Variants in CPEB4 observed in about 807,000 individuals in gnomAD.
The protein encoded by CPEB4 is cytoplasmic polyadenylation element-binding protein 4.
CPEB4 carries 12 observed loss-of-function variants against 72.5 expected under a neutral mutation model. The observed-to-expected ratio is 0.17, with a 90% CI of 0.11 to 0.27. The LOEUF is 0.27. Ranked by LOEUF, CPEB4 falls within the 10% of genes least tolerant of loss-of-function variation. CPEB4 has a pLI of 1.00. For missense variants in CPEB4, 614 were observed against 908.5 expected, an observed-to-expected ratio of 0.68 and a Z score of 4.17; for synonymous variants, 302 against 326.3, an observed-to-expected ratio of 0.93 and a Z score of 0.80.
rs931495176 is a variant in CPEB4 at position 173,961,383 on chromosome 5, T to G, written c.*5246T>G. 2 of 152,222 alleles carry G rather than the reference T, an allele frequency of 1.3e-5. No individual in the cohort carries two copies. Among genetic ancestry groups the G allele is most frequent in the African/African-American group, 4.8e-5 (2 of 41,462 alleles). The allele number at this position is 152,222 out of a possible 1,614,324, so 9.4% of individuals were successfully genotyped here. A position where few individuals can be genotyped will look rare whatever the true frequency, so the allele number is the denominator to read the frequency against. On this transcript the variant is annotated 3_prime_UTR_variant, in exon 10 of 10. Coordinates refer to ENST00000265085, the MANE Select transcript of CPEB4 (RefSeq NM_030627.4). ...TAGTTTATTTTAGGAAATGTTTATT[T>G]CAGGTAAGTGAGATATCAATGATAT...
At chr5:173,953,313 C>T (rs778146239) in intron 9 of CPEB4, 41 bp downstream of exon 9, 2 of 1,377,750 alleles carry the variant, frequency 1.5e-6, no homozygotes, top group Non-Finnish European at 9.7e-7. Context: ...TAGAAATGGT[C>T]CTCTAAATGT....
At chr5:173,904,532 G>A (rs995648915) in intron 1 of CPEB4, among the ~76,000 whole-genome samples, 13 of 152,146 alleles carry the variant, frequency 8.5e-5, no homozygotes, top group African/African-American at 2.9e-4. Flanking sequence ...GGTAATATTT[G>A]TATAAGTAAA....
At chr5:173,934,925 T>C (rs1757569437) in intron 3 of CPEB4, among the ~76,000 whole-genome samples, 1 of 152,250 alleles carries the variant, frequency 6.6e-6, no homozygotes, top group Non-Finnish European at 1.5e-5. Flanking sequence ...CTCATTCATG[T>C]ATTCATTCTT....
intron 3 of CPEB4, among the ~76,000 whole-genome samples, chr5:173,941,968 GAA>G (rs1354970682): frequency 6.6e-6 from 1 of 152,206 alleles, no homozygotes; most frequent in Non-Finnish European, 1.5e-5. Flanking sequence ...ACCTTTCCCT[GAA>G]TGCTACAGCA....
chr5:173,929,450 G>A (rs997724470), intron 2 of CPEB4, among the ~76,000 whole-genome samples: 4 of 152,180 alleles, frequency 2.6e-5, no homozygotes, highest in Admixed American at 6.5e-5. Context: ...TGTAAACCCG[G>A]CACTTGAAGA....
chr5:173,946,252 G>C (rs1003410102), intron 5 of CPEB4, among the ~76,000 whole-genome samples: 7 of 151,992 alleles, frequency 4.6e-5, no homozygotes, highest in East Asian at 3.9e-4. Context: ...GAAATTTCAG[G>C]GTTCTCTGAA....
At position 173,917,874 on chromosome 5, in the gene CPEB4, C is replaced by G. The variant is rs149669788; in HGVS notation, c.1207+7270C>G. On this transcript the variant is annotated intron_variant, in intron 2 of 9. Transcript: ENST00000265085. ...GAGGGATCTTTAAATATCATTAAGT[C>G]TTTAAGACTCAGAGTCGGCCGGCAG... 1.9e-3 allele frequency among the ~76,000 whole-genome samples: 284 copies of G among 152,332 alleles called. 1 individual carries two copies. The highest frequency in any genetic ancestry group is 6.2e-3 in the African/African-American group (259 of 41,574).
chr5:173,949,372 G>A, intron 5 of CPEB4, 136 bp from the exon 6 acceptor site: 1 of 600,614 alleles, frequency 1.7e-6, no homozygotes, highest in South Asian at 2.2e-5. Context: ...TTAACAGTTG[G>A]GGAATCTAGA....
rs757432351 is a variant in CPEB4 at position 173,890,210 on chromosome 5, A to T, written c.477A>T (p.Thr159=). The part of the protein sequence containing the change: ...TGLGTSTQPL[T]SSASSLTGFS... ...TAGGTACTTCAACCCAACCCTTGACATCTAGCGCATCGTCTCTTACTGGTT... is the reference window on the plus strand; with the variant it reads ...TAGGTACTTCAACCCAACCCTTGACTTCTAGCGCATCGTCTCTTACTGGTT... Residue 159 remains threonine, a synonymous_variant, in exon 1 of 10, where the codon ACA becomes ACT. Coordinates refer to ENST00000265085, the MANE Select transcript of CPEB4 (RefSeq NM_030627.4). 1 of 1,614,190 alleles carries T rather than the reference A, an allele frequency of 6.2e-7. No homozygotes were observed. Among genetic ancestry groups the T allele is most frequent in the Non-Finnish European group, 8.5e-7 (1 of 1,180,024 alleles).
Position 173,915,542 on chromosome 5 carries a change from C to A in CPEB4, c.1207+4938C>A, listed in dbSNP as rs143684656. Among the ~76,000 whole-genome samples, 436 of 152,272 alleles carry A rather than the reference C, an allele frequency of 2.9e-3. 4 individuals are homozygous for A. The highest frequency in any genetic ancestry group is 0.01 in the African/African-American group (425 of 41,542). ...GAAGCTCTTCCCCAGAGACCGAATTCATTTTCTTTGCTGCACACTCAGTCT... is the reference window on the plus strand; with the variant it reads ...GAAGCTCTTCCCCAGAGACCGAATTAATTTTCTTTGCTGCACACTCAGTCT... On this transcript the variant is annotated intron_variant, in intron 2 of 9. Transcript: ENST00000265085.
chr5:173,953,179 A>T lies in CPEB4; in HGVS notation c.1869A>T (p.Gly623=). ...ACCCTGAGCTAAAATACCCAAAAGG[A>T]GCTGGGAGAGTTGCGTTCTCTAATC... ...DTDPELKYPK[G]AGRVAFSNQQ... Residue 623 remains glycine, a synonymous_variant, in exon 9 of 10, where the codon GGA becomes GGT. Transcript: ENST00000265085. The T allele has an allele frequency of 2.5e-6, 4 of 1,613,878 alleles. No individual in the cohort carries two copies. Among genetic ancestry groups the T allele is most frequent in the African/African-American group, 1.3e-5 (1 of 75,020 alleles).
intron 2 of CPEB4, 23 bp downstream of exon 2, chr5:173,910,627 T>C (rs748158271): frequency 3.6e-6 from 5 of 1,401,926 alleles, no homozygotes; most frequent in African/African-American, 2.8e-5. Context: ...ATATACCCAA[T>C]TGATTTCAGA....
rs372828510 is a variant in CPEB4 at position 173,914,656 on chromosome 5, T to C, written c.1207+4052T>C. On this transcript the variant is annotated intron_variant, in intron 2 of 9. Coordinates refer to ENST00000265085, the MANE Select transcript of CPEB4 (RefSeq NM_030627.4). ...CTGTAGTCCCAGTTACTCCAGAGGG[T>C]GAGGCAGGAGAATTGCTTGAACCTG... Among the ~76,000 whole-genome samples the C allele has an allele frequency of 6.1e-3, 924 of 152,028 alleles. 16 individuals carry two copies. The highest frequency in any genetic ancestry group is 0.021 in the African/African-American group (863 of 41,436).
At chr5:173,910,130 T>C (rs533160005) in intron 1 of CPEB4, among the ~76,000 whole-genome samples, 1 of 152,192 alleles carries the variant, frequency 6.6e-6, no homozygotes, top group East Asian at 1.9e-4. Context: ...CACATACAGG[T>C]ACCAGTCTAG....
chr5:173,926,735 A>G (rs1757255534), intron 2 of CPEB4, among the ~76,000 whole-genome samples: 1 of 152,214 alleles, frequency 6.6e-6, no homozygotes, highest in Non-Finnish European at 1.5e-5. Context: ...CAATACCAAG[A>G]GCCTTCAAAG....
intron 2 of CPEB4, among the ~76,000 whole-genome samples, chr5:173,929,286 A>T (rs1561621549): frequency 6.6e-6 from 1 of 152,162 alleles, no homozygotes; most frequent in Non-Finnish European, 1.5e-5. Flanking sequence ...TCAAGTTGAA[A>T]TTTTCTCTTT....
At position 173,950,168 on chromosome 5, in the gene CPEB4, G is replaced by T; in HGVS notation, c.1665+90G>T. ...AACCCATAGACAACTTGATGTGTTT[G>T]GGGTACTTAATTGACATGTTTGTAA... On this transcript the variant is annotated intron_variant, in intron 7 of 9. Transcript: ENST00000265085. The surrounding 1 kb of genome is among the most constrained non-coding windows in gnomAD (Gnocchi z 5.0). 1.4e-6 allele frequency: 1 copy of T among 717,396 alleles called. No individual in the cohort carries two copies. 44.4% of individuals were successfully genotyped at this position (717,396 alleles called of 1,614,324 possible).
At chr5:173,930,990 C>CAA (rs11322497) in intron 2 of CPEB4, among the ~76,000 whole-genome samples, 11 of 80,064 alleles carry the variant, frequency 1.4e-4, no homozygotes, top group African/African-American at 3.7e-4. Context: ...GACTCTGTCT[C>CAA]AAAAAAAAAA....
intron 3 of CPEB4, among the ~76,000 whole-genome samples, chr5:173,937,013 T>C (rs1417150431): frequency 1.4e-5 from 2 of 143,340 alleles, no homozygotes; most frequent in East Asian, 4.0e-4. Context: ...GAACAACATT[T>C]CTTTCCTTTT....
Sources: allele counts gnomAD v4.1 joint callset (sites outside exome capture counted in the v4.1 genomes callset), GRCh38; gene constraint gnomAD v4.1.1; non-coding constraint Gnocchi (gnomAD v3.1); transcripts MANE v1.5; gene names NCBI Gene and HGNC (gene_info 2026-07-23, HGNC 2026-07-21).